Variants in VWC2L observed in about 807,000 individuals in gnomAD.
VWC2L encodes von Willebrand factor C domain containing 2 like.
VWC2L carries 10 observed loss-of-function variants against 21.6 expected under a neutral mutation model. That is an observed-to-expected ratio of 0.46 (90% CI 0.29 to 0.78). The LOEUF (loss-of-function observed/expected upper bound fraction) is 0.78. VWC2L is among the 30% of genes least tolerant of loss of function. The probability of loss-of-function intolerance (pLI) is 0.10; values close to 1 mark genes in which losing one functional copy is unlikely to be tolerated. For synonymous variants in VWC2L, 96 were observed against 94.3 expected, an observed-to-expected ratio of 1.02 and a Z score of -0.10; for missense variants, 209 against 277.1, an observed-to-expected ratio of 0.75 and a Z score of 1.74.
intron 3 of VWC2L, among the ~76,000 whole-genome samples, chr2:214,518,142 G>A (rs1368439144): frequency 6.7e-6 from 1 of 148,674 alleles, no homozygotes; most frequent in Non-Finnish European, 1.5e-5. Flanking sequence ...CTCCAGCCTG[G>A]ATGACAGAGC....
intron 3 of VWC2L, among the ~76,000 whole-genome samples, chr2:214,553,071 C>T (rs1689819137): frequency 3.9e-5 from 6 of 152,168 alleles, no homozygotes; most frequent in Non-Finnish European, 8.8e-5. Context: ...CTCCCCAGCC[C>T]ATCCCCTCTT....
At chr2:214,456,007 A>T (rs908190262) in intron 3 of VWC2L, among the ~76,000 whole-genome samples, 2 of 152,158 alleles carry the variant, frequency 1.3e-5, no homozygotes, top group Non-Finnish European at 2.9e-5. Context: ...CACGGCAATG[A>T]TGGTATCCCT....
At chr2:214,501,687 G>A (rs1486100336) in intron 3 of VWC2L, among the ~76,000 whole-genome samples, 5 of 131,258 alleles carry the variant, frequency 3.8e-5, no homozygotes, top group African/African-American at 5.8e-5. Flanking sequence ...ATGCCTCTGC[G>A]CTCCAGCCTG....
chr2:214,447,854 T>A (rs1702863177), intron 3 of VWC2L, among the ~76,000 whole-genome samples: 1 of 151,952 alleles, frequency 6.6e-6, no homozygotes, highest in African/African-American at 2.4e-5. Context: ...TGCTGGGTGG[T>A]CCTGAAAAGA....
At chr2:214,500,387 A>G (rs748679797) in intron 3 of VWC2L, among the ~76,000 whole-genome samples, 3 of 152,250 alleles carry the variant, frequency 2.0e-5, no homozygotes, top group African/African-American at 4.8e-5. Context: ...CTATGGTATC[A>G]TCAACGTTCT....
intron 3 of VWC2L, among the ~76,000 whole-genome samples, chr2:214,444,257 T>C (rs1439721037): frequency 6.6e-6 from 1 of 152,010 alleles, no homozygotes; most frequent in Non-Finnish European, 1.5e-5. Context: ...ATACCTACTT[T>C]ATCCCATAAT....
At chr2:214,521,521 A>G (rs1255840914) in intron 3 of VWC2L, among the ~76,000 whole-genome samples, 1 of 152,202 alleles carries the variant, frequency 6.6e-6, no homozygotes, top group Non-Finnish European at 1.5e-5. Context: ...TTTAATCATA[A>G]AAAGCAATAA....
intron 2 of VWC2L, among the ~76,000 whole-genome samples, chr2:214,426,787 C>A (rs1182963728): frequency 6.6e-6 from 1 of 152,132 alleles, no homozygotes; most frequent in Non-Finnish European, 1.5e-5. Context: ...GTGTAGTTTT[C>A]ATTTTGGGTG....
chr2:214,448,608 A>G (rs1243654088), intron 3 of VWC2L, among the ~76,000 whole-genome samples: 1 of 152,190 alleles, frequency 6.6e-6, no homozygotes, highest in Admixed American at 6.5e-5. Context: ...TAATCTCACC[A>G]TGGATACCTA....
At chr2:214,419,757 T>C (rs575416524) in intron 2 of VWC2L, among the ~76,000 whole-genome samples, 1 of 152,298 alleles carries the variant, frequency 6.6e-6, no homozygotes, top group African/African-American at 2.4e-5. Context: ...AAATGTCTTA[T>C]GGGTTTGTTG....
At chr2:214,553,614 T>G (rs1363754485) in intron 3 of VWC2L, among the ~76,000 whole-genome samples, 1 of 152,120 alleles carries the variant, frequency 6.6e-6, no homozygotes, top group Non-Finnish European at 1.5e-5. Flanking sequence ...ATTGTAAATG[T>G]TTTTTGTTTT....
At chr2:214,570,124 G>A (rs771451305) in intron 3 of VWC2L, among the ~76,000 whole-genome samples, 13 of 152,088 alleles carry the variant, frequency 8.5e-5, no homozygotes, top group Admixed American at 8.5e-4. Flanking sequence ...ACACTGGAAG[G>A]TGCTTTATGG....
At chr2:214,551,505 A>G (rs1689794083) in intron 3 of VWC2L, among the ~76,000 whole-genome samples, 2 of 152,236 alleles carry the variant, frequency 1.3e-5, no homozygotes, top group Admixed American at 6.5e-5. Context: ...AAAATTACTC[A>G]GAGAGAAATA....
At chr2:214,426,306 A>T (rs1702524394) in intron 2 of VWC2L, among the ~76,000 whole-genome samples, 1 of 152,102 alleles carries the variant, frequency 6.6e-6, no homozygotes, top group African/African-American at 2.4e-5. Context: ...GGCAAAGCTT[A>T]TTCAGAGAAA....
At chr2:214,573,564 CCCTGTTTGG>C (rs1440497698) in intron 3 of VWC2L, among the ~76,000 whole-genome samples, 1 of 152,134 alleles carries the variant, frequency 6.6e-6, no homozygotes, top group African/African-American at 2.4e-5. Flanking sequence ...CCTGGCAAGA[CCCTGTTTGG>C]CCTAGAACTG....
intron 3 of VWC2L, among the ~76,000 whole-genome samples, chr2:214,542,472 C>A (rs1224428848): frequency 6.6e-6 from 1 of 152,168 alleles, no homozygotes; most frequent in Non-Finnish European, 1.5e-5. Context: ...CAACTGAAAG[C>A]TTCTCCTGCT....
intron 3 of VWC2L, among the ~76,000 whole-genome samples, chr2:214,559,941 G>A (rs1214524823): frequency 6.6e-6 from 1 of 152,140 alleles, no homozygotes; most frequent in Non-Finnish European, 1.5e-5. Context: ...ATACAAGAAG[G>A]AAATATGTTT....
intron 3 of VWC2L, among the ~76,000 whole-genome samples, chr2:214,503,833 T>C (rs1688929911): frequency 6.6e-6 from 1 of 152,240 alleles, no homozygotes; most frequent in Non-Finnish European, 1.5e-5. Context: ...TTATATCTTT[T>C]CTGTCCTAAT....
chr2:214,425,826 G>A (rs1228385705), intron 2 of VWC2L, among the ~76,000 whole-genome samples: 2 of 152,056 alleles, frequency 1.3e-5, no homozygotes, highest in Non-Finnish European at 2.9e-5. Flanking sequence ...GAATAATACA[G>A]GTACCACTGA....
Sources: allele counts gnomAD v4.1 joint callset (sites outside exome capture counted in the v4.1 genomes callset), GRCh38; gene constraint gnomAD v4.1.1; transcripts MANE v1.5; gene names NCBI Gene and HGNC (gene_info 2026-07-23, HGNC 2026-07-21).